The following REC114 variants were observed in gnomAD, a reference collection of about 807,000 sequenced individuals.
The protein encoded by REC114 is meiotic recombination protein REC114.
Under a neutral mutation model 31.3 loss-of-function variants are expected in REC114, and 27 were observed. The ratio of observed to expected loss-of-function variants is 0.86; its 90% CI spans 0.64 to 1.19. REC114 has a LOEUF of 1.19. Ranked by LOEUF, REC114 falls within the 50% of genes most tolerant of loss-of-function variation. REC114 has a pLI of 0.00. For missense variants in REC114, 344 were observed against 326.9 expected, an observed-to-expected ratio of 1.05 and a Z score of -0.40; for synonymous variants, 134 against 127.7, an observed-to-expected ratio of 1.05 and a Z score of -0.33.
chr15:73,457,280 G>A (rs1038580896), intron 1 of REC114, among the ~76,000 whole-genome samples: 1 of 151,870 alleles, frequency 6.6e-6, no homozygotes. Flanking sequence ...TGAGCTCTGG[G>A]GATTATTCCC....
intron 1 of REC114, among the ~76,000 whole-genome samples, chr15:73,471,963 A>G (rs1893139027): frequency 6.6e-6 from 1 of 152,202 alleles, no homozygotes; most frequent in South Asian, 2.1e-4. Context: ...TTAAGGGAAA[A>G]AGAAGCAGAT....
chr15:73,517,220 A>G (rs769547193), intron 2 of REC114, among the ~76,000 whole-genome samples: 1 of 152,236 alleles, frequency 6.6e-6, no homozygotes, highest in Non-Finnish European at 1.5e-5. Flanking sequence ...TAAAAGATTT[A>G]GTCTTTAGCT....
intron 1 of REC114, among the ~76,000 whole-genome samples, chr15:73,459,925 G>T (rs1395759840): frequency 6.6e-6 from 1 of 152,184 alleles, no homozygotes; most frequent in Non-Finnish European, 1.5e-5. Context: ...AATTTCTGCA[G>T]CATACTGTAA....
chr15:73,450,817 C>T (rs58566848), intron 1 of REC114, among the ~76,000 whole-genome samples: 7,139 of 152,266 alleles, frequency 0.047, 277 homozygotes, highest in African/African-American at 0.11. Context: ...AATTAGAACT[C>T]AGGATTAAGA....
rs371799830 is a variant in REC114, at chr15:73,556,339, C to T, written c.584C>T (p.Thr195Ile). 2 of 1,613,848 alleles carry T rather than the reference C, an allele frequency of 1.2e-6. No individual in the cohort carries two copies. Among genetic ancestry groups the T allele is most frequent in the Non-Finnish European group, 1.7e-6 (2 of 1,179,788 alleles). ...QHSEQQQVCV[T>I]AGTGAPDGRT... ...TCAGAACAACAGCAAGTGTGTGTAA[C>T]AGCGGGCACAGGCGCTCCAGACGGA... Residue 195 changes from threonine (T) to isoleucine (I), a missense_variant, in exon 5 of 6, where the codon ACA becomes ATA. Thr to Ile is a moderately conservative substitution (Grantham distance 89, BLOSUM62 -1). Transcript: ENST00000331090.
At chr15:73,529,130 A>G (rs182158554) in intron 2 of REC114, among the ~76,000 whole-genome samples, 28 of 150,940 alleles carry the variant, frequency 1.9e-4, no homozygotes, top group African/African-American at 6.8e-4. Flanking sequence ...TTTATTATTT[A>G]TTTATTTATT....
chr15:73,539,282 A>ATTTTTTTTTTTTTTTT (rs753968018), intron 2 of REC114, among the ~76,000 whole-genome samples: 7 of 70,822 alleles, frequency 9.9e-5, no homozygotes, highest in African/African-American at 3.3e-4. Context: ...TTCAGAACTG[A>ATTTTTTTTTTTTTTTT]TTTTTTTTTT....
In REC114 at chr15:73,551,018, G is replaced by C; in HGVS notation, c.414G>C (p.Gln138His). The change falls in exon 4 of 6, where the codon CAG (glutamine) becomes CAC (histidine). Residue 138 changes from glutamine to histidine, a missense_variant. By Grantham distance (24) the Gln-to-His change is conservative. Coordinates refer to ENST00000331090, the MANE Select transcript of REC114 (RefSeq NM_001042367.2). ...QALEHCCSCVQKLAQYITVQV... is the reference protein window; with the variant it reads ...QALEHCCSCVHKLAQYITVQV... ...TGGAACACTGCTGCAGTTGTGTTCA[G>C]AAGCTGGCACAATACATAACCGTGC... 4 of 1,613,912 alleles carry C rather than the reference G, an allele frequency of 2.5e-6. No individual in the cohort carries two copies. Among genetic ancestry groups the C allele is most frequent in the Non-Finnish European group, 3.4e-6 (4 of 1,179,854 alleles).
chr15:73,507,954 C>T (rs562909696), intron 2 of REC114, among the ~76,000 whole-genome samples: 1 of 152,260 alleles, frequency 6.6e-6, no homozygotes, highest in Non-Finnish European at 1.5e-5. Flanking sequence ...TTTATGAATC[C>T]TGTCTGTATA....
At chr15:73,547,457 T>C (rs1392334102) in intron 3 of REC114, among the ~76,000 whole-genome samples, 1 of 152,150 alleles carries the variant, frequency 6.6e-6, no homozygotes, top group African/African-American at 2.4e-5. Context: ...GAATGTAAAC[T>C]AGTACAACCA....
At chr15:73,472,615 A>G (rs1291292820) in intron 1 of REC114, among the ~76,000 whole-genome samples, 2 of 152,128 alleles carry the variant, frequency 1.3e-5, no homozygotes, top group Non-Finnish European at 2.9e-5. Flanking sequence ...TTGTTTATGT[A>G]AGGATGTTTA....
chr15:73,488,452 T>C (rs1411287011), intron 2 of REC114, among the ~76,000 whole-genome samples: 1 of 152,188 alleles, frequency 6.6e-6, no homozygotes, highest in African/African-American at 2.4e-5. Context: ...ATATCTCTCT[T>C]CTTGCAGTTT....
chr15:73,509,211 T>C (rs1184850615), intron 2 of REC114, among the ~76,000 whole-genome samples: 1 of 151,904 alleles, frequency 6.6e-6, no homozygotes, highest in African/African-American at 2.4e-5. Context: ...ATGAGCATTT[T>C]TTCATGTGTT....
intron 2 of REC114, among the ~76,000 whole-genome samples, chr15:73,519,495 G>A (rs141208055): frequency 2.6e-5 from 4 of 152,344 alleles, no homozygotes; most frequent in Non-Finnish European, 4.4e-5. Context: ...TGGCAAGGAT[G>A]TAAAGAAACT....
At chr15:73,506,907 T>C (rs1178268647) in intron 2 of REC114, among the ~76,000 whole-genome samples, 2 of 152,194 alleles carry the variant, frequency 1.3e-5, no homozygotes, top group African/African-American at 2.4e-5. Context: ...AACTTTGGTA[T>C]ATCAAATAAA....
In REC114 at chr15:73,508,445, A is replaced by AT. The variant is rs1021927809; in HGVS notation, c.250-32030dup. Among the ~76,000 whole-genome samples, 98 of 142,740 alleles carry AT rather than the reference A, an allele frequency of 6.9e-4. 4 individuals carry two copies. Among genetic ancestry groups the AT allele is most frequent in the East Asian group, 1.4e-3 (7 of 4,926 alleles). 93.6% of individuals were successfully genotyped at this position (142,740 alleles called of 152,430 possible). ...TTTCTTTTTTTTTTTTTCTTTTTTA[A>AT]TTTTTTTTTTAATTATACTTTAAGT... is the stretch of plus-strand genomic sequence containing the variant. On this transcript the variant is annotated intron_variant, in intron 2 of 5. Coordinates refer to ENST00000331090, the MANE Select transcript of REC114 (RefSeq NM_001042367.2).
chr15:73,467,065 A>G (rs953190169), intron 1 of REC114, among the ~76,000 whole-genome samples: 1 of 152,220 alleles, frequency 6.6e-6, no homozygotes, highest in South Asian at 2.1e-4. Context: ...CTAAGTTTGC[A>G]TGGATGGGGG....
At chr15:73,527,883 G>C (rs1205403092) in intron 2 of REC114, among the ~76,000 whole-genome samples, 3 of 151,788 alleles carry the variant, frequency 2.0e-5, no homozygotes, top group East Asian at 1.9e-4. Context: ...TTATCTATAC[G>C]GGGGGGAAAA....
At chr15:73,480,397 A>T (rs2141296559) in intron 2 of REC114, among the ~76,000 whole-genome samples, 1 of 151,940 alleles carries the variant, frequency 6.6e-6, no homozygotes, top group South Asian at 2.1e-4. Context: ...CAATTACTGA[A>T]TCAACCTTTA....
Sources: allele counts gnomAD v4.1 joint callset (sites outside exome capture counted in the v4.1 genomes callset), GRCh38; gene constraint gnomAD v4.1.1; transcripts MANE v1.5; gene names NCBI Gene and HGNC (gene_info 2026-07-23, HGNC 2026-07-21).